The following ELK3 variants were observed in gnomAD, a reference collection of about 807,000 sequenced individuals.
ELK3 encodes the protein ETS domain-containing protein Elk-3.
In ELK3, 10 loss-of-function variants were observed where a neutral mutation model predicts 28.9. That is an observed-to-expected ratio of 0.35 (90% CI 0.21 to 0.59). The LOEUF (loss-of-function observed/expected upper bound fraction) is 0.59. Ranked by LOEUF, ELK3 falls within the 20% of genes least tolerant of loss-of-function variation. ELK3 has a pLI of 0.82. For missense variants in ELK3, 463 were observed against 517.3 expected, an observed-to-expected ratio of 0.90 and a Z score of 1.02; for synonymous variants, 272 against 243.5, an observed-to-expected ratio of 1.12 and a Z score of -1.09.
intron 2 of ELK3, among the ~76,000 whole-genome samples, chr12:96,229,332 A>T (rs1951725082): frequency 6.6e-6 from 1 of 152,112 alleles, no homozygotes; most frequent in African/African-American, 2.4e-5. Flanking sequence ...ACAGTTCTGG[A>T]GGCCAGATGT....
intron 4 of ELK3, among the ~76,000 whole-genome samples, chr12:96,263,892 A>G (rs954926780): frequency 6.6e-6 from 1 of 152,230 alleles, no homozygotes; most frequent in Non-Finnish European, 1.5e-5. Context: ...TAGGAGGATG[A>G]GATCTCTGTT....
At chr12:96,201,976 G>A (rs1434553742) in intron 1 of ELK3, among the ~76,000 whole-genome samples, 1 of 152,172 alleles carries the variant, frequency 6.6e-6, no homozygotes, top group Admixed American at 6.5e-5. Flanking sequence ...GGGGACATCA[G>A]TGACTGTCTG....
chr12:96,196,892 C>T (rs1324544831), intron 1 of ELK3, among the ~76,000 whole-genome samples: 4 of 151,672 alleles, frequency 2.6e-5, no homozygotes, highest in Non-Finnish European at 4.4e-5. Context: ...AGTTCTTTTA[C>T]GGTGGCAAAG....
chr12:96,206,874 A>G (rs944122224), intron 1 of ELK3, among the ~76,000 whole-genome samples: 1 of 152,188 alleles, frequency 6.6e-6, no homozygotes, highest in Non-Finnish European at 1.5e-5. Flanking sequence ...GCATAACACC[A>G]TTCTCTGGAC....
At chr12:96,249,857 A>G (rs955599248) in intron 3 of ELK3, among the ~76,000 whole-genome samples, 1 of 128,048 alleles carries the variant, frequency 7.8e-6, no homozygotes, top group Admixed American at 8.0e-5. Flanking sequence ...GGGCACGACC[A>G]GGAGCCAGAA....
intron 4 of ELK3, among the ~76,000 whole-genome samples, chr12:96,263,663 G>A (rs1952009481): frequency 6.6e-6 from 1 of 152,222 alleles, no homozygotes; most frequent in South Asian, 2.1e-4. Context: ...CCACTGGACA[G>A]GCTCCAAGGA....
At chr12:96,214,269 A>G (rs913218420) in intron 1 of ELK3, among the ~76,000 whole-genome samples, 3 of 152,076 alleles carry the variant, frequency 2.0e-5, no homozygotes, top group African/African-American at 4.8e-5. Context: ...TGTCTCTACT[A>G]AAAATACAAA....
At chr12:96,197,423 A>C (rs555622894) in intron 1 of ELK3, among the ~76,000 whole-genome samples, 40 of 152,338 alleles carry the variant, frequency 2.6e-4, no homozygotes, top group Non-Finnish European at 5.0e-4. Flanking sequence ...TACTTTAATG[A>C]TGATGAAGAT....
chr12:96,232,787 A>G (rs1027071114), intron 2 of ELK3, among the ~76,000 whole-genome samples: 1 of 151,310 alleles, frequency 6.6e-6, no homozygotes, highest in Admixed American at 6.6e-5. Flanking sequence ...CCAAAAAACT[A>G]ATAATAACAG....
At chr12:96,216,956 A>T (rs758264512) in intron 1 of ELK3, among the ~76,000 whole-genome samples, 1 of 152,242 alleles carries the variant, frequency 6.6e-6, no homozygotes, top group Non-Finnish European at 1.5e-5. Flanking sequence ...GCTTTGAGTT[A>T]TAGAAAATAG....
intron 3 of ELK3, among the ~76,000 whole-genome samples, chr12:96,253,007 T>C (rs1242532624): frequency 6.6e-6 from 1 of 152,210 alleles, no homozygotes; most frequent in Non-Finnish European, 1.5e-5. Context: ...ACGCCTGTAA[T>C]CGCAGCACTT....
intron 2 of ELK3, among the ~76,000 whole-genome samples, chr12:96,234,406 G>T (rs939228559): frequency 3.3e-5 from 5 of 152,186 alleles, no homozygotes; most frequent in Admixed American, 2.0e-4. Flanking sequence ...GAGCGTTCCT[G>T]CTTCTGGGAT....
At position 96,213,566 on chromosome 12, in the gene ELK3, C is replaced by T. The variant is rs549663360; in HGVS notation, c.-2-9999C>T. Among the ~76,000 whole-genome samples the T allele has an allele frequency of 2.6e-5, 4 of 152,284 alleles. No homozygotes were observed. The East Asian group carries it at 7.7e-4, about 29-fold the overall frequency. ...GTGTTAACGAAGCCATCATTTACTA[C>T]TCACCCATATAAAAGTCACTGACAA... On this transcript the variant is annotated intron_variant, in intron 1 of 4. Transcript: ENST00000228741.
intron 4 of ELK3, among the ~76,000 whole-genome samples, chr12:96,264,616 C>T (rs1167532601): frequency 1.3e-5 from 2 of 151,970 alleles, no homozygotes; most frequent in East Asian, 3.9e-4. Flanking sequence ...GACCCTGTCT[C>T]TCCAAAAAAA....
intron 3 of ELK3, among the ~76,000 whole-genome samples, chr12:96,248,946 C>A (rs920467471): frequency 6.6e-6 from 1 of 152,154 alleles, no homozygotes; most frequent in Admixed American, 6.5e-5. Context: ...AGTTGAATAT[C>A]CCACATCTGA....
At chr12:96,234,827 C>T (rs1168205687) in intron 2 of ELK3, among the ~76,000 whole-genome samples, 1 of 152,130 alleles carries the variant, frequency 6.6e-6, no homozygotes, top group Non-Finnish European at 1.5e-5. Context: ...GTGTTGACCC[C>T]CAAGGCCCAT....
At chr12:96,208,701 T>C (rs1951555307) in intron 1 of ELK3, among the ~76,000 whole-genome samples, 1 of 152,198 alleles carries the variant, frequency 6.6e-6, no homozygotes, top group Non-Finnish European at 1.5e-5. Flanking sequence ...ACTGTGGCCT[T>C]GGTAGGACAG....
chr12:96,222,013 C>T (rs996183716), intron 1 of ELK3, among the ~76,000 whole-genome samples: 2 of 152,134 alleles, frequency 1.3e-5, no homozygotes, highest in East Asian at 1.9e-4. Context: ...CCCTGCCCCC[C>T]GCCCACCAGG....
intron 3 of ELK3, among the ~76,000 whole-genome samples, chr12:96,250,872 A>G (rs1951900115): frequency 6.6e-6 from 1 of 152,044 alleles, no homozygotes; most frequent in Non-Finnish European, 1.5e-5. Context: ...ACAAATTCCG[A>G]AGGTTGGTTA....
Sources: gnomAD v4.1 joint callset for allele counts (sites outside exome capture counted in the v4.1 genomes callset) on GRCh38, gnomAD v4.1.1 for gene constraint, MANE v1.5 for transcripts, NCBI Gene and HGNC (gene_info 2026-07-23, HGNC 2026-07-21) for gene names.